Variants in PCDH11X observed in about 807,000 individuals in gnomAD.
PCDH11X encodes protocadherin-11 X-linked.
A neutral mutation model predicts 53.3 loss-of-function variants in PCDH11X; 18 were observed. The observed-to-expected ratio is 0.34, with a 90% CI of 0.23 to 0.50. The LOEUF (loss-of-function observed/expected upper bound fraction) is 0.50, where lower values mean the gene tolerates loss of function less well. Ranked by LOEUF, PCDH11X falls within the 20% of genes least tolerant of loss-of-function variation. The probability of loss-of-function intolerance (pLI) is 0.98; values close to 1 mark genes in which losing one functional copy is unlikely to be tolerated. For missense variants in PCDH11X, 570 were observed against 1,032.4 expected (o/e 0.55, Z 6.14); for synonymous variants, 279 against 393.3 (o/e 0.71, Z 3.44).
chrX:92,023,672 A>C (rs2062925552), intron 6 of PCDH11X, among the ~76,000 whole-genome samples: 1 of 101,649 alleles, frequency 9.8e-6, no homozygotes, highest in South Asian at 5.1e-4. Context: ...TTATGAGGCC[A>C]ACATCATCCT....
intron 6 of PCDH11X, among the ~76,000 whole-genome samples, chrX:92,098,037 C>A (rs747264779): frequency 9.1e-6 from 1 of 110,084 alleles, no homozygotes; most frequent in East Asian, 2.8e-4. Flanking sequence ...ATGTGGAACC[C>A]GTGGATACAA....
chrX:91,916,652 C>G (rs1404241489), intron 6 of PCDH11X, among the ~76,000 whole-genome samples: 3 of 109,642 alleles, frequency 2.7e-5, no homozygotes, highest in Non-Finnish European at 5.7e-5. Flanking sequence ...AGACCAACAA[C>G]AAGTAGCAAG....
intron 9 of PCDH11X, among the ~76,000 whole-genome samples, chrX:92,465,872 A>T (rs1240419130): frequency 9.0e-6 from 1 of 110,865 alleles, no homozygotes; most frequent in South Asian, 3.7e-4. Flanking sequence ...TAGTTTACTA[A>T]TTAAAATATT....
intron 10 of PCDH11X, among the ~76,000 whole-genome samples, chrX:92,511,118 T>C (rs1227172183): frequency 8.9e-6 from 1 of 111,874 alleles, no homozygotes; most frequent in Non-Finnish European, 1.9e-5. Flanking sequence ...CACATTCATA[T>C]GCAATCTCAC....
chrX:92,119,299 G>A (rs891114276), intron 6 of PCDH11X, among the ~76,000 whole-genome samples: 1 of 109,571 alleles, frequency 9.1e-6, no homozygotes, highest in Non-Finnish European at 1.9e-5. Context: ...CAGAGATGAG[G>A]TCTCATTATG....
At chrX:92,015,538 T>C (rs1264404512) in intron 6 of PCDH11X, among the ~76,000 whole-genome samples, 1 of 112,609 alleles carries the variant, frequency 8.9e-6, no homozygotes, top group Non-Finnish European at 1.9e-5. Flanking sequence ...TTGTTGTCAA[T>C]TCAACAATGT....
chrX:92,343,979 C>T lies in PCDH11X; in HGVS notation c.3145-43756C>T, dbSNP rs143484187. On this transcript the variant is annotated intron_variant, in intron 8 of 10. Transcript: ENST00000682573. The stretch of plus-strand genomic sequence containing the variant: ...ATACAAACGTTTTTTTTTTTCTTGC[C>T]CCTGTCTCCTAAGTTCTTTGGGTCC... 2.7e-3 allele frequency among the ~76,000 whole-genome samples: 299 copies of T among 109,159 alleles called. 6 individuals carry two copies. The East Asian group carries it at 0.051, about 19-fold the overall frequency. 94.8% of individuals were successfully genotyped at this position (109,159 alleles called of 115,157 possible).
chrX:92,588,171 A>G (rs1334242050), intron 10 of PCDH11X, among the ~76,000 whole-genome samples: 3 of 93,823 alleles, frequency 3.2e-5, no homozygotes, highest in Non-Finnish European at 6.3e-5. Flanking sequence ...CTTGAAAAAT[A>G]GTTTTTAAGA....
At chrX:92,285,068 G>A (rs971986170) in intron 8 of PCDH11X, among the ~76,000 whole-genome samples, 4 of 110,086 alleles carry the variant, frequency 3.6e-5, no homozygotes, top group African/African-American at 1.3e-4. Context: ...TTGCAATGAA[G>A]ACACAAGCAC....
intron 10 of PCDH11X, among the ~76,000 whole-genome samples, chrX:92,575,970 C>CACACA (rs1922854790): frequency 1.2e-4 from 6 of 50,315 alleles, no homozygotes; most frequent in Admixed American, 2.6e-4. Context: ...CACACACACA[C>CACACA]CTGGGGTGTA....
rs753458476 is a variant in PCDH11X, at chrX:92,142,809, G to A, written c.3034-58566G>A. Among the ~76,000 whole-genome samples, 5 of 108,694 alleles carry A rather than the reference G, an allele frequency of 4.6e-5. No homozygotes were observed. In the South Asian group the frequency reaches 2.0e-3, roughly 43 times the overall value. The allele number at this position is 108,694 out of a possible 115,157, so 94.4% of individuals were successfully genotyped here. ...TAGTTTGACAACCTTATATAAGATG[G>A]TTCTAATCTTTATTGAAAATTTTTA... is the stretch of plus-strand genomic sequence containing the variant. On this transcript the variant is annotated intron_variant, in intron 6 of 10. Coordinates refer to ENST00000682573, the MANE Select transcript of PCDH11X (RefSeq NM_032968.5).
chrX:92,525,951 A>T (rs1264839601), intron 10 of PCDH11X, among the ~76,000 whole-genome samples: 4 of 111,464 alleles, frequency 3.6e-5, no homozygotes, highest in Non-Finnish European at 5.6e-5. Context: ...GAATTGGGAT[A>T]CAATACTAAC....
rs769552876 is a variant in PCDH11X at position 91,993,220 on chromosome X, A to G, written c.3033+113947A>G. Reference sequence around the variant, plus strand: ...GTGCAAAGAAGAACATAACACACCAAGGTGAAATTTGTTAAAGTTTAGAGT... The same window carrying G: ...GTGCAAAGAAGAACATAACACACCAGGGTGAAATTTGTTAAAGTTTAGAGT... On this transcript the variant is annotated intron_variant, in intron 6 of 10. Transcript: ENST00000682573. Among the ~76,000 whole-genome samples, 127 of 113,042 alleles carry G rather than the reference A, an allele frequency of 1.1e-3. 1 individual carries two copies. The highest frequency in any genetic ancestry group is 3.9e-3 in the African/African-American group (122 of 31,231).
chrX:92,236,640 C>G (rs765685585), intron 7 of PCDH11X, among the ~76,000 whole-genome samples: 7 of 111,267 alleles, frequency 6.3e-5, no homozygotes, highest in Non-Finnish European at 1.3e-4. Flanking sequence ...ATCAAGCCAG[C>G]AAAGAAGAGA....
intron 7 of PCDH11X, among the ~76,000 whole-genome samples, chrX:92,231,402 G>T (rs1265427836): frequency 9.0e-6 from 1 of 111,504 alleles, no homozygotes; most frequent in East Asian, 2.8e-4. Context: ...GTGGAAAATT[G>T]CCAGATCATT....
At chrX:92,179,781 C>T (rs765314356) in intron 6 of PCDH11X, among the ~76,000 whole-genome samples, 16 of 111,624 alleles carry the variant, frequency 1.4e-4, no homozygotes, top group African/African-American at 6.5e-5. Flanking sequence ...GGGATACTGA[C>T]GGAACATATT....
intron 9 of PCDH11X, among the ~76,000 whole-genome samples, chrX:92,467,432 A>G (rs2073177425): frequency 9.0e-6 from 1 of 111,325 alleles, no homozygotes; most frequent in African/African-American, 3.2e-5. Flanking sequence ...CATAATGGAT[A>G]TTATTAAATA....
chrX:92,499,353 A>G (rs780954271), intron 10 of PCDH11X, among the ~76,000 whole-genome samples: 155 of 86,259 alleles, frequency 1.8e-3, no homozygotes, highest in African/African-American at 6.0e-3. Flanking sequence ...ATAATTTTTC[A>G]CTTGTAGTAA....
chrX:92,167,339 G>C (rs2065752854), intron 6 of PCDH11X, among the ~76,000 whole-genome samples: 2 of 111,553 alleles, frequency 1.8e-5, no homozygotes, highest in African/African-American at 6.5e-5. Context: ...TCAAACCATA[G>C]AATTATTAGC....
Sources: gnomAD v4.1 joint callset for allele counts (sites outside exome capture counted in the v4.1 genomes callset) on GRCh38, gnomAD v4.1.1 for gene constraint, MANE v1.5 for transcripts, NCBI Gene and HGNC (gene_info 2026-07-23, HGNC 2026-07-21) for gene names.